The following TTLL6 variants were observed in gnomAD, a reference collection of about 807,000 sequenced individuals.
TTLL6 encodes the protein tubulin polyglutamylase TTLL6.
A neutral mutation model predicts 96.4 loss-of-function variants in TTLL6; 75 were observed. The observed-to-expected ratio is 0.78, with a 90% CI of 0.65 to 0.94. The LOEUF is 0.94. TTLL6 is among the 40% of genes least tolerant of loss of function. The pLI, the probability that TTLL6 is intolerant of heterozygous loss-of-function variation, is 0.00. For missense variants in TTLL6, 1,030 were observed against 1,093.0 expected (o/e 0.94, Z 0.81); for synonymous variants, 411 against 419.4 (o/e 0.98, Z 0.24).
intron 14 of TTLL6, 150 bp downstream of exon 14, chr17:48,769,578 A>G: frequency 3.1e-6 from 3 of 963,378 alleles, no homozygotes; most frequent in Non-Finnish European, 4.7e-6. Context: ...AATGGTATGG[A>G]CTGTGTCTCC....
chr17:48,810,825 G>GTATATATATATATATATATA (rs1555569643), intron 1 of TTLL6, among the ~76,000 whole-genome samples: 2 of 84,350 alleles, frequency 2.4e-5, no homozygotes, highest in Non-Finnish European at 5.0e-5. Context: ...GTATGTGTGT[G>GTATATATATATATATATATA]TATATATATA....
intron 13 of TTLL6, among the ~76,000 whole-genome samples, chr17:48,773,672 T>C (rs1252314065): frequency 2.0e-5 from 3 of 151,572 alleles, no homozygotes; most frequent in Admixed American, 2.0e-4. Flanking sequence ...CAGTGAGCCA[T>C]GATTGTGTCA....
intron 9 of TTLL6, among the ~76,000 whole-genome samples, chr17:48,791,021 C>T (rs558207287): frequency 3.9e-5 from 6 of 152,226 alleles, no homozygotes; most frequent in South Asian, 4.1e-4. Flanking sequence ...AGTGGGGCAC[C>T]GCCGCTCCTG....
chr17:48,801,716 G>A (rs2039418691), intron 3 of TTLL6, 73 bp from the exon 4 acceptor site: 2 of 1,319,800 alleles, frequency 1.5e-6, no homozygotes, highest in Admixed American at 2.1e-5. Context: ...TCCATTACTA[G>A]GTGCTCCCAG....
chr17:48,785,426 CTG>C lies in TTLL6; in HGVS notation c.1762-227_1762-226del, dbSNP rs553676029. Among the ~76,000 whole-genome samples, 769 of 152,266 alleles carry C rather than the reference CTG, an allele frequency of 5.1e-3. 5 individuals are homozygous for C. The highest frequency in any genetic ancestry group is 0.018 in the African/African-American group (733 of 41,550). Reference sequence around the variant, plus strand: ...GCCACTTGAAATTGCAGTTTAAAAACTGTGCATTGTGTACTTTCTGGCAAGAG... The same window carrying C: ...GCCACTTGAAATTGCAGTTTAAAAACTGCATTGTGTACTTTCTGGCAAGAG... On this transcript the variant is annotated intron_variant, in intron 12 of 15. Coordinates refer to ENST00000393382, the MANE Select transcript of TTLL6 (RefSeq NM_001130918.3).
chr17:48,766,511 T>C (rs11657371), intron 15 of TTLL6, among the ~76,000 whole-genome samples: 38,347 of 152,120 alleles, frequency 0.25, 4,979 homozygotes, highest in Admixed American at 0.38. Flanking sequence ...TATTATTTCA[T>C]TTAACAGTCC....
intron 8 of TTLL6, among the ~76,000 whole-genome samples, chr17:48,792,956 C>T (rs1194649793): frequency 6.6e-6 from 1 of 152,184 alleles, no homozygotes; most frequent in Non-Finnish European, 1.5e-5. Context: ...AATGAATATA[C>T]TTCATTGTGT....
At chr17:48,765,494 T>C (rs1350748948) in intron 15 of TTLL6, 1 of 152,244 alleles carries the variant, frequency 6.6e-6, no homozygotes, top group Non-Finnish European at 1.5e-5. Context: ...GGCGCCTTTA[T>C]AGTCGGCTAG....
chr17:48,771,345 T>C lies in TTLL6; in HGVS notation c.2041-1248A>G, dbSNP rs190533394. On this transcript the variant is annotated intron_variant, in intron 13 of 15. Transcript: ENST00000393382. Reference sequence around the variant, plus strand: ...GATGGCTCAAATAAAAATAACTCTTTAGGCTGGGCAAGGTGGTTCATGCCT... The same window carrying C: ...GATGGCTCAAATAAAAATAACTCTTCAGGCTGGGCAAGGTGGTTCATGCCT... Among the ~76,000 whole-genome samples the C allele has an allele frequency of 2.4e-4, 36 of 152,234 alleles. No homozygotes were observed. The East Asian group carries it at 6.8e-3, about 29-fold the overall frequency.
intron 3 of TTLL6, among the ~76,000 whole-genome samples, chr17:48,803,419 C>T (rs2039457013): frequency 1.3e-5 from 2 of 150,392 alleles, no homozygotes. Flanking sequence ...TCACTTAAAC[C>T]TAGGAGGTAG....
chr17:48,774,384 G>A (rs1264119232), intron 13 of TTLL6, among the ~76,000 whole-genome samples: 2 of 151,350 alleles, frequency 1.3e-5, no homozygotes, highest in African/African-American at 4.9e-5. Context: ...GGCTGTTCTC[G>A]AACTCCTGAA....
At chr17:48,805,682 G>A (rs2143467154) in intron 1 of TTLL6, among the ~76,000 whole-genome samples, 1 of 152,280 alleles carries the variant, frequency 6.6e-6, no homozygotes, top group South Asian at 2.1e-4. Context: ...TACTCAAAAT[G>A]CCAAATATCG....
Position 48,817,115 on chromosome 17 carries a change from C to G in TTLL6, c.-43G>C, listed in dbSNP as rs1371574801. 2 of 1,475,732 alleles carry G rather than the reference C, an allele frequency of 1.4e-6. No individual in the cohort carries two copies. The highest frequency in any genetic ancestry group is 1.8e-6 in the Non-Finnish European group (2 of 1,097,586). The allele number at this position is 1,475,732 out of a possible 1,614,324, so 91.4% of individuals were successfully genotyped here. A position where few individuals can be genotyped will look rare whatever the true frequency, so the allele number is the denominator to read the frequency against. On this transcript the variant is annotated 5_prime_UTR_variant, in exon 1 of 16. Coordinates refer to ENST00000393382, the MANE Select transcript of TTLL6 (RefSeq NM_001130918.3). ...CAACCCCAACCCGCGCTCGCCCTAA[C>G]TTTGGGTCCGCCCGGCCCTCATATT...
At position 48,816,996 on chromosome 17, in the gene TTLL6, C is replaced by T. The variant is rs1323342955; in HGVS notation, c.77G>A (p.Gly26Glu). The change falls in exon 1 of 16, where the codon GGG becomes GAG. Residue 26 changes from glycine (G) to glutamate (E), a missense_variant. Coordinates refer to ENST00000393382, the MANE Select transcript of TTLL6 (RefSeq NM_001130918.3). ...CGCAATTCCTACTCCCCCGTCTCGCCCCGCTGGGCTGCTAGTCCAGCTTGC... is the reference window on the plus strand; with the variant it reads ...CGCAATTCCTACTCCCCCGTCTCGCTCCGCTGGGCTGCTAGTCCAGCTTGC... ...VVASWTSSPA[G>E]RDGGVGIAGA... is the part of the protein sequence containing the mutation. The T allele has an allele frequency of 1.2e-5, 19 of 1,540,948 alleles. No individual in the cohort carries two copies. The Admixed American group carries it at 3.6e-4, about 29-fold the overall frequency.
At chr17:48,780,008 G>C (rs556611704) in intron 13 of TTLL6, among the ~76,000 whole-genome samples, 1 of 151,596 alleles carries the variant, frequency 6.6e-6, no homozygotes, top group Non-Finnish European at 1.5e-5. Flanking sequence ...TAGCATGTAG[G>C]TTATAGGGTA....
At chr17:48,812,064 A>ACCTCCCCCCC (rs2039602289) in intron 1 of TTLL6, 34 of 76,140 alleles carry the variant, frequency 4.5e-4, no homozygotes, top group African/African-American at 1.6e-3. Flanking sequence ...TGATGCTGGG[A>ACCTCCCCCCC]CCCCCCCCCC....
chr17:48,794,218 C>T (rs766559025), intron 8 of TTLL6: 3 of 1,613,870 alleles, frequency 1.9e-6, no homozygotes, highest in Non-Finnish European at 2.5e-6. Context: ...GTTCTGCTAC[C>T]CCGAGACACC....
At chr17:48,790,407 G>A (rs1424915292) in intron 9 of TTLL6, among the ~76,000 whole-genome samples, 1 of 152,164 alleles carries the variant, frequency 6.6e-6, no homozygotes, top group Admixed American at 6.5e-5. Flanking sequence ...CATATGCACT[G>A]GGCATCCAGA....
chr17:48,795,948 CATGTGACCCAAG>C, intron 8 of TTLL6, 101 bp downstream of exon 8: 3 of 808,630 alleles, frequency 3.7e-6, no homozygotes, highest in Non-Finnish European at 5.9e-6. Flanking sequence ...ATTCTCAGAC[CATGTGACCCAAG>C]ATGGAAACAC....
Sources: allele counts gnomAD v4.1 joint callset (sites outside exome capture counted in the v4.1 genomes callset), GRCh38; gene constraint gnomAD v4.1.1; transcripts MANE v1.5; gene names NCBI Gene and HGNC (gene_info 2026-07-23, HGNC 2026-07-21).